Variants in PAK6 observed in about 807,000 individuals in gnomAD.
PAK6 encodes the protein serine/threonine-protein kinase PAK 6.
Under a neutral mutation model 60.8 loss-of-function variants are expected in PAK6, and 33 were observed. The ratio of observed to expected loss-of-function variants is 0.54; its 90% CI spans 0.41 to 0.73. The LOEUF is 0.73. PAK6 is among the 30% of genes least tolerant of loss of function. The pLI is 0.00. For missense variants in PAK6, 845 were observed against 904.1 expected (o/e 0.93, Z 0.84); for synonymous variants, 404 against 378.5 (o/e 1.07, Z -0.78).
At chr15:40,265,888 G>C (rs778905710) in exon 5 of PAK6, 1 of 1,572,414 alleles carries the variant, frequency 6.4e-7, no homozygotes, top group Admixed American at 1.8e-5. Flanking sequence ...TACATCTCGG[G>C]GCTGCTCAAC....
At chr15:40,268,873 T>A (rs1595597679) in intron 5 of PAK6, among the ~76,000 whole-genome samples, 1 of 152,104 alleles carries the variant, frequency 6.6e-6, no homozygotes. Flanking sequence ...ATGGCACCAG[T>A]GGGATTGCAG....
intron 3 of PAK6, among the ~76,000 whole-genome samples, chr15:40,262,365 A>G (rs1162727282): frequency 2.0e-5 from 3 of 152,102 alleles, no homozygotes; most frequent in Non-Finnish European, 1.5e-5. Context: ...TTAGCCGGGT[A>G]TGTTGGTGGG....
At chr15:40,276,371 G>A (rs570507832) in exon 11 of PAK6, 26 of 434,064 alleles carry the variant, frequency 6.0e-5, no homozygotes, top group East Asian at 2.7e-4. Context: ...AGAGGCCAGC[G>A]TTCCTGGCCT....
chr15:40,272,245 C>G (rs1252520074), exon 6 of PAK6: 2 of 1,610,176 alleles, frequency 1.2e-6, no homozygotes, highest in African/African-American at 1.3e-5. Flanking sequence ...TTTCCGACCG[C>G]CGCAGAAAGA....
chr15:40,265,511 G>T (rs2039100297), intron 4 of PAK6, among the ~76,000 whole-genome samples: 1 of 151,916 alleles, frequency 6.6e-6, no homozygotes, highest in African/African-American at 2.4e-5. Flanking sequence ...GCCACCCGTG[G>T]AGCTAGAGAA....
chr15:40,276,004 C>T (rs1289892067), exon 11 of PAK6: 15 of 1,613,394 alleles, frequency 9.3e-6, no homozygotes, highest in Non-Finnish European at 1.3e-5. Flanking sequence ...CCCAGGAGCT[C>T]CTAGACCACC....
intron 2 of PAK6, chr15:40,252,260 C>G (rs577310277): frequency 2.5e-6 from 3 of 1,198,904 alleles, no homozygotes; most frequent in Admixed American, 3.5e-5. Context: ...TGCCAGTGAA[C>G]GAGGTGATTA....
intron 10 of PAK6, among the ~76,000 whole-genome samples, chr15:40,275,155 T>A (rs1374845531): frequency 3.3e-5 from 5 of 152,122 alleles, no homozygotes; most frequent in Non-Finnish European, 7.4e-5. Context: ...TGAACCAAGA[T>A]AAGCCCTTGC....
In PAK6 at chr15:40,265,824, T is replaced by C. The variant is rs975498456; in HGVS notation, c.205-18T>C. ...CAATTGGGCAGCTCCCACACACTCT[T>C]TTCTCTTCCCCCTACAGACAGTGGT... On this transcript the variant is annotated intron_variant, in intron 4 of 10. Coordinates refer to ENST00000560346, the Ensembl canonical transcript of PAK6. 6.6e-7 allele frequency: 1 copy of C among 1,505,434 alleles called. No individual in the cohort carries two copies. The highest frequency in any genetic ancestry group is 1.4e-5 in the African/African-American group (1 of 71,412). 93.3% of individuals were successfully genotyped at this position (1,505,434 alleles called of 1,614,324 possible). A position where few individuals can be genotyped will look rare whatever the true frequency, so the allele number is the denominator to read the frequency against.
At chr15:40,273,522 T>C in intron 8 of PAK6, 29 bp from the exon 9 acceptor site, 4 of 1,613,872 alleles carry the variant, frequency 2.5e-6, no homozygotes, top group Non-Finnish European at 2.5e-6. Context: ...TTCCTCCTGA[T>C]CCACCACTCA....
At chr15:40,247,728 C>G (rs1232372517) in intron 2 of PAK6, among the ~76,000 whole-genome samples, 1 of 152,154 alleles carries the variant, frequency 6.6e-6, no homozygotes, top group African/African-American at 2.4e-5. Flanking sequence ...TCCAAAACAC[C>G]TAACCAGGCC....
chr15:40,247,697 G>A (rs1462399111), intron 2 of PAK6, among the ~76,000 whole-genome samples: 1 of 152,172 alleles, frequency 6.6e-6, no homozygotes, highest in African/African-American at 2.4e-5. Context: ...TACAGCAGCC[G>A]GGCGGGGACC....
chr15:40,257,774 C>G (rs1248237939), intron 3 of PAK6, among the ~76,000 whole-genome samples: 2 of 152,256 alleles, frequency 1.3e-5, no homozygotes, highest in East Asian at 3.9e-4. Context: ...GTCTCCTCTC[C>G]AGGGAGGAGA....
chr15:40,270,757 A>G (rs1595599959), intron 5 of PAK6, among the ~76,000 whole-genome samples: 1 of 152,230 alleles, frequency 6.6e-6, no homozygotes, highest in African/African-American at 2.4e-5. Context: ...GTGAAGGTCA[A>G]GCACACACTC....
At chr15:40,271,131 C>T (rs1413038451) in intron 5 of PAK6, among the ~76,000 whole-genome samples, 5 of 152,200 alleles carry the variant, frequency 3.3e-5, no homozygotes, top group Non-Finnish European at 7.3e-5. Flanking sequence ...TTTCTGCATC[C>T]CCTGAAGCAT....
intron 2 of PAK6, among the ~76,000 whole-genome samples, chr15:40,240,891 A>G (rs1380409275): frequency 6.6e-6 from 1 of 152,054 alleles, no homozygotes; most frequent in Non-Finnish European, 1.5e-5. Flanking sequence ...CTGGCTCCCT[A>G]GCTAGAGGGA....
intron 3 of PAK6, among the ~76,000 whole-genome samples, chr15:40,261,655 C>T (rs931346424): frequency 6.6e-6 from 1 of 152,218 alleles, no homozygotes; most frequent in Non-Finnish European, 1.5e-5. Flanking sequence ...TTGTCCCACA[C>T]AGTGTTGGCC....
At chr15:40,266,544 G>T in intron 5 of PAK6, 49 bp downstream of exon 5, 1 of 1,501,078 alleles carries the variant, frequency 6.7e-7, no homozygotes, top group East Asian at 2.3e-5. Flanking sequence ...GTGGGTGTAG[G>T]GACACAGGCC....
chr15:40,273,616 G>T (rs35644942), exon 9 of PAK6: 25,521 of 1,614,044 alleles, frequency 0.016, 276 homozygotes, highest in Non-Finnish European at 0.018. Flanking sequence ...GGAAGTCCCT[G>T]GTGGGAACCC....
Sources: gnomAD v4.1 joint callset for allele counts (sites outside exome capture counted in the v4.1 genomes callset) on GRCh38, gnomAD v4.1.1 for gene constraint, MANE v1.5 for transcripts, NCBI Gene and HGNC (gene_info 2026-07-23, HGNC 2026-07-21) for gene names.